BRWD3: variants seen among roughly 807,000 people sequenced by gnomAD.
The protein encoded by BRWD3 is bromodomain and WD repeat domain containing 3.
In BRWD3, 10 loss-of-function variants were observed where a neutral mutation model predicts 149.7. The observed-to-expected ratio is 0.07, with a 90% confidence interval of 0.04 to 0.11. BRWD3 has a LOEUF of 0.11. BRWD3 is among the 10% of genes least tolerant of loss of function. The probability of loss-of-function intolerance (pLI) is 1.00; values close to 1 mark genes in which losing one functional copy is unlikely to be tolerated. For missense variants in BRWD3, 940 were observed against 1,373.2 expected (o/e 0.68, Z 4.99); for synonymous variants, 504 against 456.7 (o/e 1.10, Z -1.32).
At chrX:80,730,559 G>T (rs2073316160) in intron 12 of BRWD3, among the ~76,000 whole-genome samples, 1 of 111,169 alleles carries the variant, frequency 9.0e-6, no homozygotes, top group African/African-American at 3.3e-5. Context: ...GAGGTTGACA[G>T]TTAAAGGGTA....
rs747069127 is a variant in BRWD3 at position 80,722,793 on chromosome X, T to C, written c.1651-6A>G. 1.7e-6 allele frequency: 2 copies of C among 1,188,786 alleles called. No homozygotes were observed. Among genetic ancestry groups the C allele is most frequent in the African/African-American group, 1.7e-5 (1 of 57,343 alleles). On this transcript the variant is annotated splice_region_variant and splice_polypyrimidine_tract_variant and intron_variant, in intron 16 of 40. Coordinates refer to ENST00000373275, the MANE Select transcript of BRWD3 (RefSeq NM_153252.5). ...AAGAACATCTGATCTGGAATCTTTA[T>C]GACAGATTTTTAGTGGGTTAACATA...
Position 80,691,840 on chromosome X carries a change from T to G in BRWD3, c.3464A>C (p.Asn1155Thr). The G allele has an allele frequency of 8.3e-7, 1 of 1,210,848 alleles. No individual in the cohort carries two copies. The highest frequency in any genetic ancestry group is 3.0e-5 in the East Asian group (1 of 33,788). Reference protein sequence around the residue: ...EECERVIQGINHLLSLDFASP... With the variant: ...EECERVIQGITHLLSLDFASP... ...CATCATACCCAGGGAAAGAAGGTGG[T>G]TGATGCCCTGAATAACCCGTTCACA... is the stretch of plus-strand genomic sequence containing the variant. The change falls in exon 30 of 41, where the codon AAC becomes ACC. Residue 1155 changes from asparagine (N) to threonine (T), a missense_variant. Asn to Thr is a moderately conservative substitution (Grantham distance 65). Transcript: ENST00000373275.
At chrX:80,768,474 C>T (rs1267737197) in intron 6 of BRWD3, among the ~76,000 whole-genome samples, 3 of 111,313 alleles carry the variant, frequency 2.7e-5, no homozygotes, top group African/African-American at 9.8e-5. Context: ...CATATCCAGC[C>T]AAACTAAGCT....
At chrX:80,685,944 A>T (rs945368133) in intron 35 of BRWD3, among the ~76,000 whole-genome samples, 2 of 111,382 alleles carry the variant, frequency 1.8e-5, no homozygotes, top group African/African-American at 3.3e-5. Context: ...GAATAGATAC[A>T]CTCCCAGGAA....
intron 6 of BRWD3, among the ~76,000 whole-genome samples, chrX:80,775,336 T>G (rs1003671386): frequency 8.9e-6 from 1 of 112,129 alleles, no homozygotes; most frequent in African/African-American, 3.2e-5. Flanking sequence ...GCCTTTGTTA[T>G]GTCAAACAGG....
In BRWD3 at chrX:80,676,420, A is replaced by G. The variant is rs2072367702; in HGVS notation, c.*189T>C. On this transcript the variant is annotated 3_prime_UTR_variant, in exon 41 of 41. Coordinates refer to ENST00000373275, the MANE Select transcript of BRWD3 (RefSeq NM_153252.5). ...TCTTTTAATTTAAGGCCTAATGAGT[A>G]AGGCTTATTTGAACAAATGAAGTGT... is the stretch of plus-strand genomic sequence containing the variant. 1.9e-6 allele frequency: 1 copy of G among 529,159 alleles called. No homozygotes were observed. Among genetic ancestry groups the G allele is most frequent in the Non-Finnish European group, 3.0e-6 (1 of 330,223 alleles). 43.6% of individuals were successfully genotyped at this position (529,159 alleles called of 1,213,427 possible).
At position 80,771,678 on chromosome X, in the gene BRWD3, G is replaced by A. The variant is rs187672057; in HGVS notation, c.430+20176C>T. Among the ~76,000 whole-genome samples the A allele has an allele frequency of 8.0e-3, 894 of 111,673 alleles. 6 individuals are homozygous for A. The highest frequency in any genetic ancestry group is 0.028 in the African/African-American group (863 of 30,722). ...AAGAAACTACCATCAGAGTGAACAGGCAACCTACAGAATAGGAGAAAATTT... is the reference window on the plus strand; with the variant it reads ...AAGAAACTACCATCAGAGTGAACAGACAACCTACAGAATAGGAGAAAATTT... On this transcript the variant is annotated intron_variant, in intron 6 of 40. Coordinates refer to ENST00000373275, the MANE Select transcript of BRWD3 (RefSeq NM_153252.5).
At chrX:80,725,975 T>C (rs763085722) in intron 14 of BRWD3, among the ~76,000 whole-genome samples, 3 of 106,114 alleles carry the variant, frequency 2.8e-5, no homozygotes, top group Admixed American at 9.8e-5. Flanking sequence ...CATGTTTACA[T>C]GTTATATGTC....
chrX:80,713,038 C>T (rs1356277046), intron 20 of BRWD3, among the ~76,000 whole-genome samples: 5 of 109,131 alleles, frequency 4.6e-5, no homozygotes, highest in African/African-American at 1.0e-4. Flanking sequence ...GCCCCCCGCC[C>T]GGCCAGCTGC....
chrX:80,728,059 G>C (rs776338576), intron 14 of BRWD3, among the ~76,000 whole-genome samples: 93 of 111,886 alleles, frequency 8.3e-4, no homozygotes, highest in Non-Finnish European at 1.5e-3. Context: ...AAAGACAACT[G>C]AGTTGAGTCA....
At chrX:80,798,488 C>T (rs1273069623) in intron 4 of BRWD3, among the ~76,000 whole-genome samples, 2 of 110,878 alleles carry the variant, frequency 1.8e-5, no homozygotes, top group African/African-American at 6.5e-5. Context: ...TTGTTTAAAG[C>T]TCAAACATTC....
intron 6 of BRWD3, among the ~76,000 whole-genome samples, chrX:80,777,143 A>AC (rs34424596): frequency 0.025 from 2,589 of 101,826 alleles, 45 homozygotes; most frequent in African/African-American, 0.046. Context: ...CACTCTTAAG[A>AC]CCCCCCCCCA....
chrX:80,801,212 A>AACTTTTTTT (rs1487012369), intron 4 of BRWD3, among the ~76,000 whole-genome samples: 1 of 79,871 alleles, frequency 1.3e-5, no homozygotes. Context: ...ATGAGAAAAC[A>AACTTTTTTT]TCTTTTTTTT....
intron 6 of BRWD3, chrX:80,746,927 T>C (rs1438109623): frequency 1.8e-6 from 1 of 550,964 alleles, no homozygotes; most frequent in South Asian, 9.6e-5. Context: ...ATCAGTGACA[T>C]GTTGAATATA....
At chrX:80,689,152 C>T (rs900051677) in intron 33 of BRWD3, among the ~76,000 whole-genome samples, 2 of 111,332 alleles carry the variant, frequency 1.8e-5, no homozygotes, top group East Asian at 5.6e-4. Flanking sequence ...TGAATTATCA[C>T]TTTCCAATAT....
At chrX:80,726,696 G>A (rs1413190523) in intron 14 of BRWD3, among the ~76,000 whole-genome samples, 3 of 110,323 alleles carry the variant, frequency 2.7e-5, no homozygotes, top group South Asian at 7.6e-4. Context: ...ACCATATTAC[G>A]ATTATGGACA....
chrX:80,780,923 A>G (rs2074049870), intron 6 of BRWD3, among the ~76,000 whole-genome samples: 1 of 112,295 alleles, frequency 8.9e-6, no homozygotes. Flanking sequence ...TATAAACAAG[A>G]GATAGATTCC....
intron 6 of BRWD3, among the ~76,000 whole-genome samples, chrX:80,763,907 T>C (rs1201003942): frequency 8.9e-6 from 1 of 111,917 alleles, no homozygotes; most frequent in African/African-American, 3.2e-5. Context: ...CCCTAGAATA[T>C]AGAAAACAAT....
chrX:80,732,586 G>A (rs1380045087), intron 12 of BRWD3, among the ~76,000 whole-genome samples: 1 of 111,291 alleles, frequency 9.0e-6, no homozygotes, highest in Non-Finnish European at 1.9e-5. Flanking sequence ...GAAAGTAGGA[G>A]AGAGAGAGAA....
Sources: gnomAD v4.1 joint callset for allele counts (sites outside exome capture counted in the v4.1 genomes callset) on GRCh38, gnomAD v4.1.1 for gene constraint, MANE v1.5 for transcripts, NCBI Gene and HGNC (gene_info 2026-07-23, HGNC 2026-07-21) for gene names.